Variants in DVL1 observed in about 807,000 individuals in gnomAD.
DVL1 encodes the protein segment polarity protein dishevelled homolog DVL-1.
A neutral mutation model predicts 65.0 loss-of-function variants in DVL1; 49 were observed. The observed-to-expected ratio is 0.75, with a 90% confidence interval of 0.60 to 0.96. The LOEUF (loss-of-function observed/expected upper bound fraction) is 0.96, where lower values mean the gene tolerates loss of function less well. Among genes scored for constraint, DVL1 ranks in the 40% least tolerant of loss-of-function variants. The pLI is 0.00. For missense variants in DVL1, 1,197 were observed against 1,045.4 expected (o/e 1.15, Z -2.00); for synonymous variants, 608 against 433.9 (o/e 1.40, Z -4.99).
intron 1 of DVL1, among the ~76,000 whole-genome samples, chr1:1,348,580 G>T (rs1038940762): frequency 6.6e-6 from 1 of 152,062 alleles, no homozygotes; most frequent in Admixed American, 6.5e-5. Flanking sequence ...CCGCACCAAC[G>T]GCAGGCGCTC....
chr1:1,341,987 G>A, intron 4 of DVL1, 66 bp downstream of exon 4: 2 of 1,480,354 alleles, frequency 1.4e-6, no homozygotes, highest in South Asian at 2.5e-5. Flanking sequence ...GCTGTAGTAG[G>A]AACATGGCTC....
chr1:1,339,734 A>G lies in DVL1; in HGVS notation c.986+2T>C. 1 of 1,611,560 alleles carries G rather than the reference A, an allele frequency of 6.2e-7. No individual in the cohort carries two copies. Among genetic ancestry groups the G allele is most frequent in the Non-Finnish European group, 8.5e-7 (1 of 1,179,522 alleles). On this transcript the variant is annotated splice_donor_variant, in intron 9 of 14. Transcript: ENST00000378888. LOFTEE classifies it high-confidence loss of function. ...TCCCGCTCCAGCGCCCCCAGCCCTC[A>G]CCCCGTCTGGGAAACGATCTCCCGC...
intron 13 of DVL1, 30 bp from the exon 14 acceptor site, chr1:1,338,213 G>A: frequency 6.3e-7 from 1 of 1,596,090 alleles, no homozygotes; most frequent in Non-Finnish European, 8.5e-7. Flanking sequence ...GAGGGCCGCG[G>A]AGGGGCCTCC....
In DVL1 at chr1:1,348,904, C is replaced by T. The variant is rs1569756827; in HGVS notation, c.162G>A (p.Gln54=). The stretch of plus-strand genomic sequence containing the variant: ...CCTCGCGGCCGACTGACCCGAAGTC[C>T]TGGTCCATGGACTTAAAGAAGAATT... ...AYKFFFKSMD[Q]DFGVVKEEIF... The change falls in exon 1 of 15, where the codon CAG becomes CAA. Residue 54 remains glutamine, a synonymous_variant. Transcript: ENST00000378888. 1.3e-6 allele frequency: 2 copies of T among 1,559,428 alleles called. No individual in the cohort carries two copies. The highest frequency in any genetic ancestry group is 1.7e-6 in the Non-Finnish European group (2 of 1,149,464).
chr1:1,340,578 G>A (rs1643764906), intron 5 of DVL1, 75 bp from the exon 6 acceptor site: 2 of 1,472,968 alleles, frequency 1.4e-6, no homozygotes, highest in South Asian at 1.2e-5. Context: ...CCCCAATACT[G>A]AGTGGGAATC....
At chr1:1,341,135 CTGCACGCA>C (rs1203926048) in intron 5 of DVL1, among the ~76,000 whole-genome samples, 7 of 148,800 alleles carry the variant, frequency 4.7e-5, no homozygotes, top group East Asian at 4.0e-4. Context: ...ACATGCACAC[CTGCACGCA>C]CACCTTCACA....
chr1:1,341,497 A>G (rs1643826052), intron 5 of DVL1, among the ~76,000 whole-genome samples, 170 bp downstream of exon 5: 1 of 151,808 alleles, frequency 6.6e-6, no homozygotes. Flanking sequence ...CATGTGGAAC[A>G]CGTGCACAAG....
At chr1:1,347,123 C>A (rs887808866) in intron 1 of DVL1, among the ~76,000 whole-genome samples, 5 of 152,114 alleles carry the variant, frequency 3.3e-5, no homozygotes, top group Non-Finnish European at 5.9e-5. Flanking sequence ...ACCTGGGAGG[C>A]TACAGAGCAA....
intron 4 of DVL1, 37 bp from the exon 5 acceptor site, chr1:1,341,842 C>T: frequency 1.3e-6 from 2 of 1,539,714 alleles, no homozygotes; most frequent in Non-Finnish European, 1.8e-6. Context: ...ACTGCAGGGT[C>T]TCCCAGAGGT....
At chr1:1,337,750 C>G in intron 14 of DVL1, 2 of 698,378 alleles carry the variant, frequency 2.9e-6, no homozygotes, top group Non-Finnish European at 5.2e-6. Context: ...GCTCCTGGAT[C>G]CCCCTGGCAC....
At chr1:1,348,796 C>A in intron 1 of DVL1, 100 bp downstream of exon 1, 1 of 1,073,900 alleles carries the variant, frequency 9.3e-7, no homozygotes, top group Non-Finnish European at 1.2e-6. Flanking sequence ...CGCAGGTCCC[C>A]GGGGGCGCGA....
intron 5 of DVL1, 45 bp downstream of exon 5, chr1:1,341,622 C>T: frequency 2.6e-6 from 4 of 1,562,434 alleles, no homozygotes; most frequent in Non-Finnish European, 3.5e-6. Flanking sequence ...CAGACATTTG[C>T]AAGTGGGCAC....
rs148469831 is a variant in DVL1, at chr1:1,340,248, C to G, written c.768G>C (p.Met256Ile). The part of the protein sequence containing the change: ...SLNIVTVTLN[M>I]ERHHFLGISI... ...CCAACCCTCGCCCCGAGGCCTCACC[C>G]ATGTTGAGCGTGACAGTGACGATGT... Residue 256 changes from methionine to isoleucine, a missense_variant and splice_region_variant, in exon 7 of 15, where the codon ATG becomes ATC. Met to Ile is a conservative substitution (Grantham distance 10). Coordinates refer to ENST00000378888, the MANE Select transcript of DVL1 (RefSeq NM_001330311.2). 27 of 1,614,004 alleles carry G rather than the reference C, an allele frequency of 1.7e-5. No individual in the cohort carries two copies. Among genetic ancestry groups the G allele is most frequent in the Non-Finnish European group, 2.2e-5 (26 of 1,180,006 alleles).
Position 1,335,872 on chromosome 1 carries a change from C to T in DVL1, c.*270G>A. The T allele has an allele frequency of 1.8e-6, 1 of 560,758 alleles. No homozygotes were observed. The highest frequency in any genetic ancestry group is 3.2e-6 in the Non-Finnish European group (1 of 315,058). 34.7% of individuals were successfully genotyped at this position (560,758 alleles called of 1,614,324 possible). ...GAGAGCCCGAGGGGGTCTTCCTCATCCCAGGAGGGATCCCCACCAGACACA... is the reference window on the plus strand; with the variant it reads ...GAGAGCCCGAGGGGGTCTTCCTCATTCCAGGAGGGATCCCCACCAGACACA... On this transcript the variant is annotated 3_prime_UTR_variant, in exon 15 of 15. Coordinates refer to ENST00000378888, the MANE Select transcript of DVL1 (RefSeq NM_001330311.2).
In DVL1 at chr1:1,342,748, C is replaced by T. The variant is rs1302692435; in HGVS notation, c.181G>A (p.Glu61Lys). 1 of 1,612,824 alleles carries T rather than the reference C, an allele frequency of 6.2e-7. No homozygotes were observed. Among genetic ancestry groups the T allele is most frequent in the Non-Finnish European group, 8.5e-7 (1 of 1,179,754 alleles). Residue 61 changes from glutamate to lysine, a missense_variant, in exon 2 of 15, where the codon GAG becomes AAG. Physicochemically the swap from Glu to Lys is moderately conservative, Grantham distance 56. Transcript: ENST00000378888. ...SMDQDFGVVK[E>K]EIFDDNAKLP... is the part of the protein sequence containing the mutation. ...TTGGCATTGTCATCAAAGATCTCCT[C>T]CTTCACCACCCTGTGGGCATATGCT... is the stretch of plus-strand genomic sequence containing the variant.
Position 1,336,512 on chromosome 1 carries a change from C to T in DVL1, c.1718G>A (p.Ser573Asn). The T allele has an allele frequency of 6.6e-7, 1 of 1,514,218 alleles. No homozygotes were observed. The highest frequency in any genetic ancestry group is 1.3e-5 in the South Asian group (1 of 77,702). 93.8% of individuals were successfully genotyped at this position (1,514,218 alleles called of 1,614,324 possible). A position where few individuals can be genotyped will look rare whatever the true frequency, so the allele number is the denominator to read the frequency against. Residue 573 changes from serine to asparagine, a missense_variant, in exon 15 of 15, where the codon AGC becomes AAC. Coordinates refer to ENST00000378888, the MANE Select transcript of DVL1 (RefSeq NM_001330311.2). ...GSTGSQQSEGSKSSGSTRSSR... is the reference protein window; with the variant it reads ...GSTGSQQSEGNKSSGSTRSSR... ...GCTCCGGGTGGACCCACTGCTTTTGCTCCCTGGGAGTGAGAACAGGATGGG... is the reference window on the plus strand; with the variant it reads ...GCTCCGGGTGGACCCACTGCTTTTGTTCCCTGGGAGTGAGAACAGGATGGG...
chr1:1,336,185 T>A lies in DVL1; in HGVS notation c.2045A>T (p.Lys682Met). The change falls in exon 15 of 15, where the codon AAG (lysine) becomes ATG (methionine). Residue 682 changes from lysine (K) to methionine (M), a missense_variant. By Grantham distance (95) the Lys-to-Met change is moderately conservative. Transcript: ENST00000378888. ...ELTGSRQSFQ[K>M]AMGNPCEFFV... is the part of the protein sequence containing the mutation. ...GAACTCGCAGGGGTTCCCCATAGCC[T>A]TCTGGAAGGACTGGCGGCTGCCTGT... The A allele has an allele frequency of 1.3e-6, 2 of 1,572,804 alleles. No homozygotes were observed. Among genetic ancestry groups the A allele is most frequent in the South Asian group, 2.3e-5 (2 of 87,300 alleles).
At chr1:1,343,462 C>T (rs1643877659) in intron 1 of DVL1, among the ~76,000 whole-genome samples, 2 of 152,102 alleles carry the variant, frequency 1.3e-5, no homozygotes, top group African/African-American at 4.8e-5. Context: ...ATCAGGCCAC[C>T]TGCACCCACC....
chr1:1,339,588 G>A lies in DVL1; in HGVS notation c.1048C>T (p.Pro350Ser), dbSNP rs764678820. 6.2e-7 allele frequency: 1 copy of A among 1,607,146 alleles called. No homozygotes were observed. The highest frequency in any genetic ancestry group is 8.5e-7 in the Non-Finnish European group (1 of 1,176,534). The change falls in exon 10 of 15, where the codon CCA becomes TCA. Residue 350 changes from proline (P) to serine (S), a missense_variant. Physicochemically the swap from Pro to Ser is moderately conservative, Grantham distance 74 (BLOSUM62 -1). Coordinates refer to ENST00000378888, the MANE Select transcript of DVL1 (RefSeq NM_001330311.2). ...DPTPRSYFTV[P>S]RADPVRPIDP... is the part of the protein sequence containing the mutation. Reference sequence around the variant, plus strand: ...TGCCCCGAGGGCCACTCACCCCGTGGGACGGTGAAGTAGCTTCGGGGCGTT... The same window carrying A: ...TGCCCCGAGGGCCACTCACCCCGTGAGACGGTGAAGTAGCTTCGGGGCGTT...
Sources: allele counts gnomAD v4.1 joint callset (sites outside exome capture counted in the v4.1 genomes callset), GRCh38; gene constraint gnomAD v4.1.1; transcripts MANE v1.5; gene names NCBI Gene and HGNC (gene_info 2026-07-23, HGNC 2026-07-21).